SNX29: variants seen among roughly 807,000 people sequenced by gnomAD.
SNX29 encodes the protein sorting nexin-29.
SNX29 carries 78 observed loss-of-function variants against 102.1 expected under a neutral mutation model. That is an observed-to-expected ratio of 0.76 (90% CI 0.64 to 0.92). The LOEUF (loss-of-function observed/expected upper bound fraction) is 0.92, where lower values mean the gene tolerates loss of function less well. Among genes scored for constraint, SNX29 ranks in the 40% least tolerant of loss-of-function variants. The pLI is 0.00. For missense variants in SNX29, 1,280 were observed against 1,061.7 expected (o/e 1.21, Z -2.86); for synonymous variants, 580 against 414.5 (o/e 1.40, Z -4.85).
intron 13 of SNX29, among the ~76,000 whole-genome samples, chr16:12,182,210 T>A (rs1256612907): frequency 1.5e-5 from 2 of 131,680 alleles, no homozygotes; most frequent in African/African-American, 2.6e-5. Flanking sequence ...TTTTTTTTTT[T>A]AATGGGGATT....
At chr16:12,197,693 G>A (rs2076811913) in intron 13 of SNX29, among the ~76,000 whole-genome samples, 1 of 152,232 alleles carries the variant, frequency 6.6e-6, no homozygotes, top group Non-Finnish European at 1.5e-5. Context: ...GTCACAGATG[G>A]AGAAAGTGCA....
chr16:12,400,710 T>TAGAGG (rs2083905234), intron 17 of SNX29, among the ~76,000 whole-genome samples: 1 of 152,242 alleles, frequency 6.6e-6, no homozygotes. Flanking sequence ...ACTATTGGCA[T>TAGAGG]ATATACACCT....
rs374395084 is a variant in SNX29 at position 12,403,425 on chromosome 16, C to G, written c.1956-23C>G. On this transcript the variant is annotated intron_variant, in intron 17 of 20. Transcript: ENST00000566228. ...GTAAGTTAAAATGTCTAATGTTGGTCTCTCTCTCTTCCTTTTGGTTAGATC... is the reference window on the plus strand; with the variant it reads ...GTAAGTTAAAATGTCTAATGTTGGTGTCTCTCTCTTCCTTTTGGTTAGATC... 15 of 1,579,854 alleles carry G rather than the reference C, an allele frequency of 9.5e-6. No individual in the cohort carries two copies. In the African/African-American group the frequency reaches 1.8e-4, roughly 18 times the overall value.
At chr16:12,561,411 A>G (rs1391446322) in intron 20 of SNX29, among the ~76,000 whole-genome samples, 1 of 152,198 alleles carries the variant, frequency 6.6e-6, no homozygotes, top group East Asian at 1.9e-4. Flanking sequence ...CACACAGATC[A>G]GTCCTAGCTG....
intron 20 of SNX29, among the ~76,000 whole-genome samples, chr16:12,563,576 G>C (rs147916663): frequency 1.2e-4 from 18 of 150,994 alleles, no homozygotes; most frequent in East Asian, 9.7e-4. Context: ...CCCTTTGGGT[G>C]GTGGCTTAGG....
intron 16 of SNX29, chr16:12,375,435 G>C (rs981425339): frequency 1.3e-5 from 2 of 152,194 alleles, no homozygotes; most frequent in Admixed American, 6.5e-5. Flanking sequence ...TGGAGTCCTC[G>C]TGCCACTCAG....
Position 12,569,730 on chromosome 16 carries a change from C to T in SNX29, c.*1101C>T, listed in dbSNP as rs1025412904. 8.7e-6 allele frequency: 2 copies of T among 230,090 alleles called. No individual in the cohort carries two copies. Among genetic ancestry groups the T allele is most frequent in the African/African-American group, 2.2e-5 (1 of 45,142 alleles). The allele number at this position is 230,090 out of a possible 1,614,324, so 14.3% of individuals were successfully genotyped here. ...AGGATGGGGACCAGCAGCTGGGCAG[C>T]CCCCAGGGCTCCTCCTCCAGTGAGC... On this transcript the variant is annotated 3_prime_UTR_variant, in exon 21 of 21. Coordinates refer to ENST00000566228, the MANE Select transcript of SNX29 (RefSeq NM_032167.5).
chr16:12,536,191 A>C (rs1555568904), intron 20 of SNX29, among the ~76,000 whole-genome samples: 2 of 152,094 alleles, frequency 1.3e-5, no homozygotes, highest in East Asian at 1.9e-4. Context: ...TCAGAAGATA[A>C]AGGAGGTTAC....
chr16:12,179,173 C>A (rs986000991), intron 13 of SNX29, among the ~76,000 whole-genome samples: 11 of 152,072 alleles, frequency 7.2e-5, no homozygotes, highest in Non-Finnish European at 1.6e-4. Flanking sequence ...AATATAATTG[C>A]CAAGAACATA....
chr16:12,389,136 C>T lies in SNX29; in HGVS notation c.1900-9310C>T, dbSNP rs375481117. Among the ~76,000 whole-genome samples, 264 of 152,226 alleles carry T rather than the reference C, an allele frequency of 1.7e-3. 7 individuals carry two copies. The highest frequency in any genetic ancestry group is 6.5e-4 in the Non-Finnish European group (44 of 68,014). ...ACTCCCCATGTTACTGTAACACTAG[C>T]GCGAGCCAGTTCAGATTCTCGGTTT... is the stretch of plus-strand genomic sequence containing the variant. On this transcript the variant is annotated intron_variant, in intron 16 of 20. Coordinates refer to ENST00000566228, the MANE Select transcript of SNX29 (RefSeq NM_032167.5).
intron 14 of SNX29, among the ~76,000 whole-genome samples, chr16:12,224,901 G>C (rs914590944): frequency 2.0e-5 from 3 of 152,114 alleles, no homozygotes; most frequent in Non-Finnish European, 4.4e-5. Context: ...GCTGTACATA[G>C]GGCCAGCTCA....
intron 20 of SNX29, among the ~76,000 whole-genome samples, chr16:12,544,275 C>A (rs897535691): frequency 3.9e-5 from 6 of 152,208 alleles, no homozygotes; most frequent in Non-Finnish European, 7.4e-5. Context: ...CAGGACTTTA[C>A]ACTCTCAGTA....
chr16:12,558,696 C>T (rs1265583833), intron 20 of SNX29, among the ~76,000 whole-genome samples: 1 of 152,168 alleles, frequency 6.6e-6, no homozygotes, highest in Non-Finnish European at 1.5e-5. Context: ...TTGAATCCAC[C>T]CCCATCCCGT....
chr16:12,269,853 CATCATCATT>C (rs1338923250), intron 14 of SNX29, among the ~76,000 whole-genome samples: 2 of 117,190 alleles, frequency 1.7e-5, no homozygotes, highest in Admixed American at 8.7e-5. Context: ...TCATCATCAT[CATCATCATT>C]ATTATTATTA....
intron 11 of SNX29, among the ~76,000 whole-genome samples, chr16:12,113,792 G>A (rs1187420188): frequency 2.6e-5 from 4 of 152,222 alleles, no homozygotes; most frequent in East Asian, 3.9e-4. Flanking sequence ...TTTGGCCGGC[G>A]AGCGGCCAGC....
intron 20 of SNX29, among the ~76,000 whole-genome samples, chr16:12,565,270 G>A (rs1567216113): frequency 6.6e-6 from 1 of 152,174 alleles, no homozygotes; most frequent in East Asian, 1.9e-4. Context: ...AAGAGGTTCA[G>A]CCTCACATAC....
At position 12,090,518 on chromosome 16, in the gene SNX29, C is replaced by T. The variant is rs370050225; in HGVS notation, c.1402+11603C>T. Among the ~76,000 whole-genome samples the T allele has an allele frequency of 2.2e-4, 33 of 152,194 alleles. No homozygotes were observed. In the East Asian group the frequency reaches 3.9e-3, roughly 18 times the overall value. On this transcript the variant is annotated intron_variant, in intron 11 of 20. Coordinates refer to ENST00000566228, the MANE Select transcript of SNX29 (RefSeq NM_032167.5). ...GACCCCCTTGGGACCAATTTTTAAG[C>T]CCATTTGGTAGCTCCCCAAGGGTTC...
intron 15 of SNX29, among the ~76,000 whole-genome samples, chr16:12,343,126 C>G (rs184187488): frequency 9.7e-4 from 148 of 152,258 alleles, no homozygotes; most frequent in Non-Finnish European, 1.8e-3. Context: ...TGTGCTACTT[C>G]GAAGGGAATA....
chr16:12,561,020 G>T (rs923750467), intron 20 of SNX29: 13 of 219,964 alleles, frequency 5.9e-5, no homozygotes, highest in African/African-American at 2.9e-4. Flanking sequence ...GTGGATGGTG[G>T]AAGTCTTGGA....
Sources: allele counts gnomAD v4.1 joint callset (sites outside exome capture counted in the v4.1 genomes callset), GRCh38; gene constraint gnomAD v4.1.1; transcripts MANE v1.5; gene names NCBI Gene and HGNC (gene_info 2026-07-23, HGNC 2026-07-21).